Variants in FKBP5 observed in about 807,000 individuals in gnomAD.
FKBP5 encodes the protein FKBP prolyl isomerase 5.
In FKBP5, 23 loss-of-function variants were observed where a neutral mutation model predicts 50.5. The ratio of observed to expected loss-of-function variants is 0.46; its 90% CI spans 0.33 to 0.65. FKBP5 has a LOEUF of 0.65. Ranked by LOEUF, FKBP5 falls within the 30% of genes least tolerant of loss-of-function variation. FKBP5 has a pLI of 0.02. For synonymous variants in FKBP5, 176 were observed against 190.6 expected, an observed-to-expected ratio of 0.92 and a Z score of 0.63; for missense variants, 411 against 553.1, an observed-to-expected ratio of 0.74 and a Z score of 2.58.
At chr6:35,605,383 CTT>C (rs1158530509) in intron 5 of FKBP5, among the ~76,000 whole-genome samples, 280 of 52,256 alleles carry the variant, frequency 5.4e-3, no homozygotes, top group African/African-American at 0.016. Context: ...ATGACAATAT[CTT>C]TTTTTTTTTT....
At chr6:35,601,049 G>C (rs1284459827) in intron 5 of FKBP5, among the ~76,000 whole-genome samples, 1 of 152,226 alleles carries the variant, frequency 6.6e-6, no homozygotes, top group Non-Finnish European at 1.5e-5. Flanking sequence ...AGTCTTCTCA[G>C]AGAGACAATA....
At chr6:35,690,026 G>A (rs1310340040), upstream of FKBP5, among the ~76,000 whole-genome samples, 1 of 152,134 alleles carries the variant, frequency 6.6e-6, no homozygotes, top group African/African-American at 2.4e-5. Context: ...GTTACACGTG[G>A]GACCTAATAG....
chr6:35,665,293 C>CT (rs370647403), intron 1 of FKBP5, among the ~76,000 whole-genome samples: 32,134 of 142,710 alleles, frequency 0.23, 3,984 homozygotes, highest in Middle Eastern at 0.34. Context: ...AAATGCTCCT[C>CT]TTTTTTTTTT....
At chr6:35,690,591 T>C (rs529831561), upstream of FKBP5, among the ~76,000 whole-genome samples, 2 of 152,356 alleles carry the variant, frequency 1.3e-5, no homozygotes, top group East Asian at 3.9e-4. Flanking sequence ...CTTCCCTGTT[T>C]ACCAGTTGCC....
chr6:35,595,237 A>G (rs1257274879), intron 6 of FKBP5, among the ~76,000 whole-genome samples: 1 of 152,148 alleles, frequency 6.6e-6, no homozygotes, highest in Non-Finnish European at 1.5e-5. Context: ...GACAATTTCT[A>G]TTTTTCTTTG....
In FKBP5 at chr6:35,574,260, G is replaced by C. The variant is rs1181407923; in HGVS notation, c.*1575C>G. The C allele has an allele frequency of 6.6e-6, 1 of 152,048 alleles. No homozygotes were observed. The highest frequency in any genetic ancestry group is 2.4e-5 in the African/African-American group (1 of 41,400). The allele number at this position is 152,048 out of a possible 1,614,324, so 9.4% of individuals were successfully genotyped here. On this transcript the variant is annotated 3_prime_UTR_variant, in exon 11 of 11. Transcript: ENST00000357266. Reference sequence around the variant, plus strand: ...AACTTGATTTTTAGGTTTGAAGGGGGTCCCAATCTAATAATAAAAGTCTTT... The same window carrying C: ...AACTTGATTTTTAGGTTTGAAGGGGCTCCCAATCTAATAATAAAAGTCTTT...
At chr6:35,644,108 T>C (rs962818092) in intron 1 of FKBP5, among the ~76,000 whole-genome samples, 2 of 152,248 alleles carry the variant, frequency 1.3e-5, no homozygotes, top group African/African-American at 2.4e-5. Context: ...TTTTAAGGTA[T>C]ACTATTCAAA....
At chr6:35,585,783 T>C (rs1762580734) in intron 8 of FKBP5, 2 of 985,238 alleles carry the variant, frequency 2.0e-6, no homozygotes, top group Non-Finnish European at 2.4e-6. Flanking sequence ...TATAACATAT[T>C]GCAATACACT....
intron 1 of FKBP5, among the ~76,000 whole-genome samples, chr6:35,648,063 A>G (rs1213040192): frequency 6.6e-6 from 1 of 151,926 alleles, no homozygotes; most frequent in Admixed American, 6.6e-5. Context: ...AGCTTAAAAA[A>G]GCTACTGATG....
intron 4 of FKBP5, 97 bp downstream of exon 4, chr6:35,620,035 T>C: frequency 7.0e-7 from 1 of 1,438,098 alleles, no homozygotes; most frequent in Non-Finnish European, 9.7e-7. Context: ...TCTGATTCTC[T>C]ATAGCAAGCT....
At chr6:35,666,384 C>G (rs1178785737) in intron 1 of FKBP5, among the ~76,000 whole-genome samples, 3 of 19,172 alleles carry the variant, frequency 1.6e-4, no homozygotes, top group African/African-American at 4.5e-4. Flanking sequence ...AGAAACACTA[C>G]TATTATAGTT....
chr6:35,643,272 C>T (rs76707447), intron 1 of FKBP5, among the ~76,000 whole-genome samples: 145 of 152,302 alleles, frequency 9.5e-4, no homozygotes, highest in African/African-American at 3.2e-3. Flanking sequence ...TAGAATCCAA[C>T]AGACCCAAGT....
At chr6:35,583,660 G>T in intron 8 of FKBP5, 1 of 882,764 alleles carries the variant, frequency 1.1e-6, no homozygotes, top group Non-Finnish European at 1.4e-6. Flanking sequence ...CATCTAATGG[G>T]CAGAGGCCAG....
At chr6:35,719,606 C>T (rs1164030753) in intron 2 of FKBP5, among the ~76,000 whole-genome samples, 2 of 151,822 alleles carry the variant, frequency 1.3e-5, no homozygotes, top group Non-Finnish European at 2.9e-5. Context: ...GCCTGGTGCC[C>T]CTGTGTAGTC....
intron 1 of FKBP5, among the ~76,000 whole-genome samples, chr6:35,669,786 C>T (rs934575563): frequency 6.6e-6 from 1 of 152,144 alleles, no homozygotes; most frequent in Non-Finnish European, 1.5e-5. Context: ...CCTCTTATAA[C>T]TTATGACTCA....
In FKBP5 at chr6:35,575,686, T is replaced by G. The variant is rs1486987742; in HGVS notation, c.*149A>C. ...CTCCGGGCAGCAGCAGGGGGGCTGT[T>G]TTTGGGAAGCTACTGGTTTTGCCAT... On this transcript the variant is annotated 3_prime_UTR_variant, in exon 11 of 11. Transcript: ENST00000357266. The G allele has an allele frequency of 1.5e-6, 1 of 666,294 alleles. No homozygotes were observed. Among genetic ancestry groups the G allele is most frequent in the African/African-American group, 1.8e-5 (1 of 56,006 alleles). 41.3% of individuals were successfully genotyped at this position (666,294 alleles called of 1,614,324 possible). A position where few individuals can be genotyped will look rare whatever the true frequency, so the allele number is the denominator to read the frequency against.
chr6:35,684,205 G>T (rs1224395818), intron 1 of FKBP5, among the ~76,000 whole-genome samples: 6 of 147,088 alleles, frequency 4.1e-5, no homozygotes, highest in African/African-American at 1.5e-4. Context: ...TTAAGGCAGG[G>T]TCTCGCTCTG....
At chr6:35,710,743 T>G (rs1766397994) in intron 2 of FKBP5, among the ~76,000 whole-genome samples, 2 of 152,272 alleles carry the variant, frequency 1.3e-5, no homozygotes, top group Middle Eastern at 3.4e-3. Flanking sequence ...ACAACCATAA[T>G]GTCCATCAAC....
At chr6:35,640,531 T>C (rs1200558928) in intron 2 of FKBP5, among the ~76,000 whole-genome samples, 1 of 152,186 alleles carries the variant, frequency 6.6e-6, no homozygotes, top group African/African-American at 2.4e-5. Flanking sequence ...CCGTAGACTT[T>C]ATAAACACTG....
Sources: allele counts gnomAD v4.1 joint callset (sites outside exome capture counted in the v4.1 genomes callset), GRCh38; gene constraint gnomAD v4.1.1; transcripts MANE v1.5; gene names NCBI Gene and HGNC (gene_info 2026-07-23, HGNC 2026-07-21).